ACOXL: variants seen among roughly 807,000 people sequenced by gnomAD.
The protein encoded by ACOXL is acyl-CoA oxidase like, also known as acyl-coenzyme A oxidase-like protein.
ACOXL carries 70 observed loss-of-function variants against 71.9 expected under a neutral mutation model. The ratio of observed to expected loss-of-function variants is 0.97; its 90% CI spans 0.80 to 1.19. The LOEUF (loss-of-function observed/expected upper bound fraction) is 1.19, where lower values mean the gene tolerates loss of function less well. Among genes scored for constraint, ACOXL ranks in the 50% most tolerant of loss-of-function variants. The pLI is 0.00. For missense variants in ACOXL, 703 were observed against 736.3 expected, an observed-to-expected ratio of 0.95 and a Z score of 0.52; for synonymous variants, 253 against 281.6, an observed-to-expected ratio of 0.90 and a Z score of 1.02.
At chr2:111,093,779 G>A (rs2068663072) in intron 17 of ACOXL, 6 of 388,564 alleles carry the variant, frequency 1.5e-5, no homozygotes, top group African/African-American at 2.1e-5. Flanking sequence ...CACGAGAATC[G>A]CTTGAGCCCT....
At chr2:111,015,724 G>A (rs2064393540) in intron 14 of ACOXL, among the ~76,000 whole-genome samples, 1 of 152,120 alleles carries the variant, frequency 6.6e-6, no homozygotes, top group East Asian at 1.9e-4. Flanking sequence ...GAAGCCAAAT[G>A]TTCAACATGA....
chr2:110,857,780 C>T (rs555640032), intron 10 of ACOXL, among the ~76,000 whole-genome samples: 4 of 152,046 alleles, frequency 2.6e-5, no homozygotes, highest in Admixed American at 6.5e-5. Flanking sequence ...GGCTGGAGTT[C>T]GGTGGCCTGA....
intron 15 of ACOXL, among the ~76,000 whole-genome samples, chr2:111,044,529 G>A (rs1265394559): frequency 2.6e-5 from 4 of 152,196 alleles, no homozygotes; most frequent in East Asian, 1.9e-4. Flanking sequence ...ATTCTGAGAC[G>A]GGATTTCTGA....
At chr2:111,102,502 C>T (rs926530023) in intron 17 of ACOXL, among the ~76,000 whole-genome samples, 13 of 152,300 alleles carry the variant, frequency 8.5e-5, no homozygotes, top group Non-Finnish European at 1.8e-4. Context: ...CTGCATTGTC[C>T]TGGTCTCCTT....
chr2:110,826,243 A>T (rs1470532346), intron 9 of ACOXL, among the ~76,000 whole-genome samples: 1 of 152,150 alleles, frequency 6.6e-6, no homozygotes, highest in Non-Finnish European at 1.5e-5. Context: ...TTGTTCACAC[A>T]CCTTCGGCAT....
At chr2:111,093,007 C>A in intron 17 of ACOXL, 41 bp downstream of exon 17, 2 of 1,497,710 alleles carry the variant, frequency 1.3e-6, no homozygotes, top group South Asian at 1.2e-5. Flanking sequence ...TGTACATCAG[C>A]CCTGGTCTCC....
chr2:110,826,483 C>T (rs547265870), intron 9 of ACOXL, among the ~76,000 whole-genome samples: 2 of 152,290 alleles, frequency 1.3e-5, no homozygotes, highest in South Asian at 2.1e-4. Flanking sequence ...CCATGTTTGA[C>T]GTGTAGAAAG....
intron 11 of ACOXL, among the ~76,000 whole-genome samples, chr2:110,933,237 C>T (rs1215410893): frequency 2.0e-5 from 3 of 152,064 alleles, no homozygotes; most frequent in African/African-American, 7.2e-5. Flanking sequence ...CTATATATCC[C>T]ATATGTTCTT....
intron 16 of ACOXL, among the ~76,000 whole-genome samples, chr2:111,089,984 G>T (rs889449444): frequency 6.6e-6 from 1 of 152,190 alleles, no homozygotes; most frequent in Non-Finnish European, 1.5e-5. Flanking sequence ...GGAGATTGAC[G>T]ATCTGTTGAG....
At chr2:111,069,491 G>A (rs1193361105) in intron 16 of ACOXL, among the ~76,000 whole-genome samples, 1 of 152,030 alleles carries the variant, frequency 6.6e-6, no homozygotes. Context: ...TTGGATTAGG[G>A]CCTCACCCTA....
chr2:111,061,033 T>C (rs1416690420), intron 16 of ACOXL, among the ~76,000 whole-genome samples: 1 of 152,026 alleles, frequency 6.6e-6, no homozygotes, highest in Non-Finnish European at 1.5e-5. Context: ...TGTGGGACTA[T>C]AACAAAAACT....
At chr2:110,925,076 A>G (rs2060221620) in intron 11 of ACOXL, among the ~76,000 whole-genome samples, 1 of 152,160 alleles carries the variant, frequency 6.6e-6, no homozygotes, top group Non-Finnish European at 1.5e-5. Flanking sequence ...CTTATTTCTG[A>G]GCATTAGGTT....
intron 11 of ACOXL, among the ~76,000 whole-genome samples, chr2:110,930,303 A>T (rs1019625257): frequency 6.6e-6 from 1 of 152,192 alleles, no homozygotes; most frequent in South Asian, 2.1e-4. Context: ...CTGGACTGTG[A>T]ACTTACAGGG....
At chr2:111,009,064 G>A (rs1022434898) in intron 14 of ACOXL, among the ~76,000 whole-genome samples, 32 of 152,080 alleles carry the variant, frequency 2.1e-4, no homozygotes, top group African/African-American at 3.6e-4. Context: ...CATGTTTGCC[G>A]TGCAAACTTT....
intron 17 of ACOXL, among the ~76,000 whole-genome samples, chr2:111,112,076 C>T (rs1225138630): frequency 1.3e-5 from 2 of 152,180 alleles, no homozygotes; most frequent in Non-Finnish European, 2.9e-5. Context: ...GTAAGGAAGG[C>T]AATTTCTCTA....
At chr2:111,108,211 A>G (rs1293679373) in intron 17 of ACOXL, among the ~76,000 whole-genome samples, 1 of 152,154 alleles carries the variant, frequency 6.6e-6, no homozygotes, top group Non-Finnish European at 1.5e-5. Flanking sequence ...CCCTTTAAAT[A>G]AAATAATAAT....
At chr2:110,929,491 G>A (rs1315374659) in intron 11 of ACOXL, among the ~76,000 whole-genome samples, 7 of 152,202 alleles carry the variant, frequency 4.6e-5, no homozygotes, top group Non-Finnish European at 8.8e-5. Context: ...CAGAAAATTT[G>A]CAGCCTGAAG....
chr2:110,848,472 C>T (rs773710695), intron 10 of ACOXL, among the ~76,000 whole-genome samples: 23 of 152,270 alleles, frequency 1.5e-4, no homozygotes, highest in African/African-American at 3.9e-4. Flanking sequence ...TGAATATTCA[C>T]GGAGTGCCCA....
intron 14 of ACOXL, among the ~76,000 whole-genome samples, chr2:111,002,275 A>G (rs991333316): frequency 6.6e-6 from 1 of 152,142 alleles, no homozygotes; most frequent in East Asian, 1.9e-4. Context: ...TTATTTTAAG[A>G]TGCTAAATTT....
Sources: allele counts gnomAD v4.1 joint callset (sites outside exome capture counted in the v4.1 genomes callset), GRCh38; gene constraint gnomAD v4.1.1; transcripts MANE v1.5; gene names NCBI Gene and HGNC (gene_info 2026-07-23, HGNC 2026-07-21).